Variants in GPR35 observed in about 807,000 individuals in gnomAD.
GPR35 encodes the protein G protein-coupled receptor 35, also known as KYNA receptor.
For missense variants in GPR35, 372 were observed against 422.5 expected (o/e 0.88, Z 1.05); for synonymous variants, 207 against 198.4 (o/e 1.04, Z -0.36).
upstream of GPR35, among the ~76,000 whole-genome samples, chr2:240,623,801 T>G (rs1309748632): frequency 6.6e-6 from 1 of 152,148 alleles, no homozygotes; most frequent in Non-Finnish European, 1.5e-5. Flanking sequence ...ATGTCCAGTT[T>G]CTTCCCCAAG....
rs2975786 is a variant in GPR35 at position 240,630,974 on chromosome 2, A to G, written c.*92A>G. 0.78 allele frequency: 834,332 copies of G among 1,070,314 alleles called. 328,417 individuals carry two copies. The highest frequency in any genetic ancestry group is 1 in the East Asian group (41,712 of 41,762). 66.3% of individuals were successfully genotyped at this position (1,070,314 alleles called of 1,614,324 possible). A position where few individuals can be genotyped will look rare whatever the true frequency, so the allele number is the denominator to read the frequency against. ...GCTGGAACCAGTAGCAAGGAGCCCG[A>G]GATCAGCCCTGAACTCACTGTGTAT... On this transcript the variant is annotated 3_prime_UTR_variant, in exon 2 of 2. Coordinates refer to ENST00000407714, the MANE Select transcript of GPR35 (RefSeq NM_005301.5).
chr2:240,613,765 AAACCCTAACTCT>A (rs1283372760), intron 2 of GPR35, among the ~76,000 whole-genome samples: 1 of 146,482 alleles, frequency 6.8e-6, no homozygotes, highest in Non-Finnish European at 1.5e-5. Flanking sequence ...ACCCTAACCG[AAACCCTAACTCT>A]AACCCTAACC....
chr2:240,615,398 C>T (rs1030422935), intron 2 of GPR35, among the ~76,000 whole-genome samples: 4 of 152,202 alleles, frequency 2.6e-5, no homozygotes, highest in Non-Finnish European at 5.9e-5. Context: ...CCTGCACTGC[C>T]GTGGAGTTAA....
intron 3 of GPR35, among the ~76,000 whole-genome samples, chr2:240,616,741 T>TTA (rs1553614506): frequency 6.0e-5 from 6 of 99,944 alleles, no homozygotes; most frequent in African/African-American, 2.4e-4. Flanking sequence ...AACAATACAG[T>TTA]AAAAAAAAAA....
At chr2:240,607,813 G>A (rs2043149421) in intron 2 of GPR35, among the ~76,000 whole-genome samples, 1 of 151,280 alleles carries the variant, frequency 6.6e-6, no homozygotes, top group Non-Finnish European at 1.5e-5. Context: ...TCTGCCTTAG[G>A]ATTTTCTTTT....
upstream of GPR35, among the ~76,000 whole-genome samples, chr2:240,624,380 G>C (rs2043344879): frequency 6.6e-6 from 1 of 152,196 alleles, no homozygotes; most frequent in Non-Finnish European, 1.5e-5. Flanking sequence ...GGGCAGGAAG[G>C]ACAGCAGGAG....
At chr2:240,614,628 C>T (rs1000605282) in intron 2 of GPR35, among the ~76,000 whole-genome samples, 1 of 152,206 alleles carries the variant, frequency 6.6e-6, no homozygotes, top group East Asian at 1.9e-4. Context: ...GAAGGGGGCT[C>T]ATCCCCCAGC....
At chr2:240,622,557 T>C (rs1399906451), upstream of GPR35, among the ~76,000 whole-genome samples, 1 of 152,222 alleles carries the variant, frequency 6.6e-6, no homozygotes, top group East Asian at 1.9e-4. Flanking sequence ...GTAAATCTCA[T>C]AATGTTTTAA....
upstream of GPR35, among the ~76,000 whole-genome samples, chr2:240,623,099 G>A (rs189700461): frequency 1.2e-3 from 186 of 152,316 alleles, 3 homozygotes; most frequent in Non-Finnish European, 2.0e-3. Context: ...CACCTGATAT[G>A]TCCCCGGCAC....
chr2:240,620,780 G>C (rs571250298), upstream of GPR35, among the ~76,000 whole-genome samples: 1 of 152,114 alleles, frequency 6.6e-6, no homozygotes, highest in Non-Finnish European at 1.5e-5. Context: ...ACCCCTGCCC[G>C]CTACCTCCTC....
upstream of GPR35, among the ~76,000 whole-genome samples, chr2:240,620,973 G>A (rs1252042662): frequency 1.3e-5 from 2 of 152,232 alleles, no homozygotes; most frequent in African/African-American, 2.4e-5. Flanking sequence ...CAAGATCAGT[G>A]GGGGAGGGGA....
At chr2:240,613,690 A>G (rs1335952975) in intron 2 of GPR35, among the ~76,000 whole-genome samples, 1 of 151,594 alleles carries the variant, frequency 6.6e-6, no homozygotes, top group Non-Finnish European at 1.5e-5. Flanking sequence ...TAACCATAAC[A>G]CTAACTCCAC....
At chr2:240,626,323 G>C (rs79172425) in intron 1 of GPR35, among the ~76,000 whole-genome samples, 40 of 37,744 alleles carry the variant, frequency 1.1e-3, no homozygotes, top group African/African-American at 1.3e-3. Flanking sequence ...GGGTGAGGCT[G>C]TGACGGGGTC....
chr2:240,619,873 G>A (rs748954652), intron 5 of GPR35, among the ~76,000 whole-genome samples: 3 of 152,156 alleles, frequency 2.0e-5, no homozygotes, highest in Non-Finnish European at 2.9e-5. Context: ...TCTTAGGAGC[G>A]GGGCTCTTGG....
chr2:240,632,215 TCCCATGCCTGGAAG>T lies in GPR35; in HGVS notation c.*1334_*1347del. 6.8e-6 allele frequency among the ~76,000 whole-genome samples: 1 copy of T among 148,122 alleles called. No individual in the cohort carries two copies. The highest frequency in any genetic ancestry group is 1.5e-5 in the Non-Finnish European group (1 of 67,174). On this transcript the variant is annotated 3_prime_UTR_variant, in exon 2 of 2. Transcript: ENST00000407714. ...TGGGGGGGGTCTATGTCCAGGAGGG[TCCCATGCCTGGAAG>T]GGTCCATGCTCAGGAGGGTTCATGC...
upstream of GPR35, among the ~76,000 whole-genome samples, chr2:240,623,077 A>G (rs2043316088): frequency 6.6e-6 from 1 of 152,170 alleles, no homozygotes; most frequent in Non-Finnish European, 1.5e-5. Flanking sequence ...CCGGGCGCCG[A>G]CGACGACTGA....
At chr2:240,629,140 C>T (rs757746985) in intron 1 of GPR35, 1 of 152,466 alleles carries the variant, frequency 6.6e-6, no homozygotes, top group Non-Finnish European at 1.5e-5. Flanking sequence ...GGAGGGGTGA[C>T]TTTGTGGGTG....
upstream of GPR35, chr2:240,625,156 C>T: frequency 1.7e-6 from 1 of 596,996 alleles, no homozygotes; most frequent in Non-Finnish European, 2.1e-6. Flanking sequence ...TCCGAGATGA[C>T]AGGGCAGAAG....
At position 240,631,505 on chromosome 2, in the gene GPR35, G is replaced by C. The variant is rs953712772; in HGVS notation, c.*623G>C. Among the ~76,000 whole-genome samples the C allele has an allele frequency of 1.1e-4, 16 of 152,044 alleles. No individual in the cohort carries two copies. Among genetic ancestry groups the C allele is most frequent in the Non-Finnish European group, 2.1e-4 (14 of 67,984 alleles). On this transcript the variant is annotated 3_prime_UTR_variant, in exon 2 of 2. Transcript: ENST00000407714. ...CTTGCTCAAGACAGGGCTGGGAGCA[G>C]CTGATCTCCATGTAGGGGCTGCACA...
Sources: gnomAD v4.1 joint callset for allele counts (sites outside exome capture counted in the v4.1 genomes callset) on GRCh38, gnomAD v4.1.1 for gene constraint, MANE v1.5 for transcripts, NCBI Gene and HGNC (gene_info 2026-07-23, HGNC 2026-07-21) for gene names.